ARHGEF4: variants seen among roughly 807,000 people sequenced by gnomAD.
ARHGEF4 encodes APC-stimulated guanine nucleotide exchange factor 1.
ARHGEF4 carries 119 observed loss-of-function variants against 162.0 expected under a neutral mutation model. That is an observed-to-expected ratio of 0.73 (90% confidence interval 0.63 to 0.86). ARHGEF4 has a LOEUF of 0.86. Ranked by LOEUF, ARHGEF4 falls within the 40% of genes least tolerant of loss-of-function variation. The pLI is 0.00. For synonymous variants in ARHGEF4, 1,014 were observed against 979.9 expected (o/e 1.03, Z -0.65); for missense variants, 2,488 against 2,456.0 (o/e 1.01, Z -0.28).
intron 1 of ARHGEF4, among the ~76,000 whole-genome samples, chr2:130,841,971 C>T (rs145679365): frequency 2.6e-5 from 4 of 152,288 alleles, no homozygotes; most frequent in Admixed American, 6.5e-5. Flanking sequence ...CCCCCAGGGT[C>T]GGGGACACTC....
Position 130,911,103 on chromosome 2 carries a change from G to A in ARHGEF4, c.40-2883G>A, listed in dbSNP as rs1023396755. Among the ~76,000 whole-genome samples, 7 of 152,150 alleles carry A rather than the reference G, an allele frequency of 4.6e-5. No homozygotes were observed. The East Asian group carries it at 7.7e-4, about 17-fold the overall frequency. ...TCCACTGAAGGTTTCGGCCAACGTC[G>A]GGGCAGCGGGCAGGGAAGCGGTGAG... On this transcript the variant is annotated intron_variant, in intron 1 of 13. Coordinates refer to ENST00000409359, the MANE Select transcript of ARHGEF4 (RefSeq NM_001367493.1).
chr2:130,946,464 A>G (rs1309694462), intron 3 of ARHGEF4, 45 bp from the exon 4 acceptor site: 2 of 1,574,954 alleles, frequency 1.3e-6, no homozygotes, highest in Non-Finnish European at 1.7e-6. Flanking sequence ...ACAGCCTGTC[A>G]TTTCTTTTCT....
intron 2 of ARHGEF4, among the ~76,000 whole-genome samples, chr2:130,918,094 T>C (rs2105063330): frequency 1.3e-5 from 2 of 152,330 alleles, no homozygotes; most frequent in East Asian, 3.9e-4. Flanking sequence ...CCATTTTCTA[T>C]TGAACGGTCT....
intron 4 of ARHGEF4, among the ~76,000 whole-genome samples, chr2:130,972,899 T>C (rs565769820): frequency 6.6e-6 from 1 of 152,360 alleles, no homozygotes; most frequent in East Asian, 1.9e-4. Context: ...TCAAAGAAGA[T>C]AGTTAACATT....
At chr2:130,979,542 C>T (rs1010576323) in intron 4 of ARHGEF4, among the ~76,000 whole-genome samples, 1 of 151,954 alleles carries the variant, frequency 6.6e-6, no homozygotes, top group Non-Finnish European at 1.5e-5. Context: ...TCAAGAGCAG[C>T]CTGGTCAACA....
chr2:131,043,363 G>A, intron 10 of ARHGEF4, 89 bp from the exon 11 acceptor site: 1 of 1,561,972 alleles, frequency 6.4e-7, no homozygotes, highest in Non-Finnish European at 8.7e-7. Flanking sequence ...AGGCCAGGGG[G>A]AGGTGCGCCA....
At chr2:131,015,627 C>T (rs368914055) in intron 4 of ARHGEF4, among the ~76,000 whole-genome samples, 3 of 152,198 alleles carry the variant, frequency 2.0e-5, no homozygotes, top group African/African-American at 7.2e-5. Context: ...AAGTGGCTCA[C>T]GCTTGGAATC....
rs762530278 is a variant in ARHGEF4, at chr2:130,915,580, AAGTG to A, written c.1640_1643del (p.Ser547ThrfsTer15). On this transcript the variant is annotated frameshift_variant, in exon 2 of 14. Coordinates refer to ENST00000409359, the MANE Select transcript of ARHGEF4 (RefSeq NM_001367493.1). LOFTEE classifies it high-confidence loss of function. ...AGTGGAGACTTGATGGGCTGCTTGG[AAGTG>A]AGTGACAGTTCAGATGCCCCTGAGA... 1.3e-6 allele frequency: 2 copies of A among 1,550,524 alleles called. No individual in the cohort carries two copies. The highest frequency in any genetic ancestry group is 2.4e-5 in the East Asian group (1 of 40,916).
chr2:130,962,704 G>C (rs936467511), intron 4 of ARHGEF4, among the ~76,000 whole-genome samples: 1 of 151,986 alleles, frequency 6.6e-6, no homozygotes, highest in Non-Finnish European at 1.5e-5. Flanking sequence ...CTGGAGCAAG[G>C]CATGCACCTC....
intron 1 of ARHGEF4, among the ~76,000 whole-genome samples, chr2:130,840,557 T>C (rs984741189): frequency 6.6e-6 from 1 of 152,140 alleles, no homozygotes; most frequent in Non-Finnish European, 1.5e-5. Context: ...CACAGAAGCC[T>C]CCACACCATG....
rs997353882 is a variant in ARHGEF4 at position 131,046,776 on chromosome 2, C to G, written c.*587C>G. 6.5e-6 allele frequency: 1 copy of G among 153,114 alleles called. No homozygotes were observed. The highest frequency in any genetic ancestry group is 1.5e-5 in the Non-Finnish European group (1 of 68,470). 9.5% of individuals were successfully genotyped at this position (153,114 alleles called of 1,614,324 possible). A position where few individuals can be genotyped will look rare whatever the true frequency, so the allele number is the denominator to read the frequency against. Reference sequence around the variant, plus strand: ...CAGCCCCTCAAGACACCGCTGGCTGCTGGACACCCTCTTCACTTGTGTGTG... The same window carrying G: ...CAGCCCCTCAAGACACCGCTGGCTGGTGGACACCCTCTTCACTTGTGTGTG... On this transcript the variant is annotated 3_prime_UTR_variant, in exon 14 of 14. Transcript: ENST00000409359.
At chr2:130,945,681 G>T (rs1255185278) in intron 3 of ARHGEF4, among the ~76,000 whole-genome samples, 1 of 152,076 alleles carries the variant, frequency 6.6e-6, no homozygotes, top group African/African-American at 2.4e-5. Flanking sequence ...GTGTTACTTC[G>T]AATTCTGGTT....
chr2:130,854,770 C>G (rs1574103437), intron 1 of ARHGEF4, among the ~76,000 whole-genome samples: 1 of 152,200 alleles, frequency 6.6e-6, no homozygotes, highest in African/African-American at 2.4e-5. Context: ...GCCCCCACCC[C>G]CAGCTCTGTG....
At chr2:130,920,747 T>TA (rs1326184672) in intron 2 of ARHGEF4, among the ~76,000 whole-genome samples, 6 of 152,236 alleles carry the variant, frequency 3.9e-5, no homozygotes, top group Non-Finnish European at 8.8e-5. Context: ...CAACCATTCT[T>TA]AATATTTTGT....
chr2:131,046,354 T>C lies in ARHGEF4; in HGVS notation c.*165T>C, dbSNP rs988322537. 1.1e-4 allele frequency: 76 copies of C among 707,850 alleles called. 2 individuals are homozygous for C. The East Asian group carries it at 1.5e-3, about 14-fold the overall frequency. The allele number at this position is 707,850 out of a possible 1,614,324, so 43.8% of individuals were successfully genotyped here. On this transcript the variant is annotated 3_prime_UTR_variant, in exon 14 of 14. Transcript: ENST00000409359. ...ACGTGCCAGGTCTGTACTCCTGTTG[T>C]CTTTTTCCCTGCTCCTGGTGCCCTG...
intron 4 of ARHGEF4, among the ~76,000 whole-genome samples, chr2:131,014,689 CCA>C (rs1426035136): frequency 6.6e-6 from 1 of 152,164 alleles, no homozygotes; most frequent in Non-Finnish European, 1.5e-5. Flanking sequence ...TCTCTCTGTG[CCA>C]CACTTTCTTC....
intron 1 of ARHGEF4, among the ~76,000 whole-genome samples, chr2:130,897,778 C>T (rs971240718): frequency 6.6e-6 from 1 of 152,094 alleles, no homozygotes; most frequent in African/African-American, 2.4e-5. Context: ...GGCTGGGTGG[C>T]GACTCTTCCA....
chr2:130,916,441 T>C lies in ARHGEF4; in HGVS notation c.2495T>C (p.Leu832Pro), dbSNP rs972802049. 1 of 1,538,756 alleles carries C rather than the reference T, an allele frequency of 6.5e-7. No homozygotes were observed. The highest frequency in any genetic ancestry group is 1.4e-5 in the African/African-American group (1 of 72,770). Residue 832 changes from leucine (L) to proline (P), a missense_variant, in exon 2 of 14, where the codon CTC becomes CCC. Around this residue, in one of 6 missense-constraint regions of ARHGEF4, gnomAD observed 1,642 missense variants for 1,481.5 expected, o/e 1.11. Coordinates refer to ENST00000409359, the MANE Select transcript of ARHGEF4 (RefSeq NM_001367493.1). ...RRWGSSGPEGLPRENPPAAAG... is the reference protein window; with the variant it reads ...RRWGSSGPEGPPRENPPAAAG... ...TGGGGCTCTTCAGGCCCCGAGGGGCTCCCCAGGGAGAATCCGCCCGCTGCG... is the reference window on the plus strand; with the variant it reads ...TGGGGCTCTTCAGGCCCCGAGGGGCCCCCCAGGGAGAATCCGCCCGCTGCG...
intron 4 of ARHGEF4, among the ~76,000 whole-genome samples, chr2:130,968,915 C>G (rs916031011): frequency 1.3e-5 from 2 of 151,978 alleles, no homozygotes; most frequent in African/African-American, 4.8e-5. Context: ...AAGTCTCAGT[C>G]TCAAAAAATA....
Sources: gnomAD v4.1 joint callset for allele counts (sites outside exome capture counted in the v4.1 genomes callset) on GRCh38, gnomAD v4.1.1 for gene constraint, gnomAD v4.1.1 regional missense constraint, MANE v1.5 for transcripts, NCBI Gene and HGNC (gene_info 2026-07-23, HGNC 2026-07-21) for gene names.